The following PCDH15 variants were observed in gnomAD, a reference collection of about 807,000 sequenced individuals.
PCDH15 encodes the protein protocadherin-15.
In PCDH15, 129 loss-of-function variants were observed where a neutral mutation model predicts 178.5. That is an observed-to-expected ratio of 0.72 (90% CI 0.63 to 0.84). The LOEUF is 0.84. Among genes scored for constraint, PCDH15 ranks in the 40% least tolerant of loss-of-function variants. The pLI is 0.00. For missense variants in PCDH15, 2,230 were observed against 2,099.9 expected, an observed-to-expected ratio of 1.06 and a Z score of -1.21; for synonymous variants, 800 against 732.0, an observed-to-expected ratio of 1.09 and a Z score of -1.50.
At chr10:54,259,062 T>C (rs1468099468) in intron 8 of PCDH15, among the ~76,000 whole-genome samples, 2 of 152,266 alleles carry the variant, frequency 1.3e-5, no homozygotes, top group South Asian at 2.1e-4. Context: ...CTTGAGAAAT[T>C]ATGAAACTTC....
chr10:55,170,826 G>C (rs894332228), intron 1 of PCDH15, among the ~76,000 whole-genome samples: 3 of 152,048 alleles, frequency 2.0e-5, no homozygotes, highest in Admixed American at 1.3e-4. Context: ...AGGTTGCAGT[G>C]AGCCAAGATC....
At chr10:55,301,681 C>G (rs989300926) in intron 1 of PCDH15, among the ~76,000 whole-genome samples, 1 of 151,960 alleles carries the variant, frequency 6.6e-6, no homozygotes, top group Non-Finnish European at 1.5e-5. Context: ...GCTCTATTGC[C>G]TAAAGGATGT....
At chr10:55,404,726 T>C (rs1478610912) in intron 2 of PCDH15, among the ~76,000 whole-genome samples, 1 of 151,932 alleles carries the variant, frequency 6.6e-6, no homozygotes, top group African/African-American at 2.4e-5. Flanking sequence ...TTTGAATGTA[T>C]AAAAATATAG....
At chr10:54,028,991 A>C (rs1426951214) in intron 18 of PCDH15, among the ~76,000 whole-genome samples, 3 of 152,188 alleles carry the variant, frequency 2.0e-5, no homozygotes, top group African/African-American at 4.8e-5. Flanking sequence ...TAAAAATTTT[A>C]AGGTGACTGA....
intron 10 of PCDH15, among the ~76,000 whole-genome samples, chr10:54,209,637 T>C (rs1301826566): frequency 6.6e-6 from 1 of 152,140 alleles, no homozygotes; most frequent in Admixed American, 6.6e-5. Flanking sequence ...AATTAAATAA[T>C]ACTAGGAGTA....
intron 15 of PCDH15, among the ~76,000 whole-genome samples, chr10:54,098,120 GC>G (rs2094734086): frequency 6.6e-6 from 1 of 151,574 alleles, no homozygotes; most frequent in Non-Finnish European, 1.5e-5. Context: ...AACCCCACAT[GC>G]TTTTTACCTA....
intron 13 of PCDH15, among the ~76,000 whole-genome samples, chr10:54,168,747 C>T (rs2046536789): frequency 6.6e-6 from 1 of 152,100 alleles, no homozygotes; most frequent in Admixed American, 6.6e-5. Flanking sequence ...GCCCTAGACC[C>T]TAAAAGGTCA....
chr10:55,522,359 C>G (rs1357272369), intron 2 of PCDH15, among the ~76,000 whole-genome samples: 2 of 151,654 alleles, frequency 1.3e-5, no homozygotes, highest in Non-Finnish European at 1.5e-5. Context: ...TTCAAATATG[C>G]TATTTCCCTA....
At chr10:54,662,869 T>C (rs1048521892) in intron 2 of PCDH15, among the ~76,000 whole-genome samples, 31 of 152,054 alleles carry the variant, frequency 2.0e-4, no homozygotes, top group African/African-American at 7.5e-4. Flanking sequence ...TCACAACTCT[T>C]TTTCATTTCA....
At chr10:54,365,336 A>G (rs1311956619) in intron 5 of PCDH15, among the ~76,000 whole-genome samples, 3 of 152,126 alleles carry the variant, frequency 2.0e-5, no homozygotes, top group African/African-American at 7.2e-5. Flanking sequence ...TGCTCATAAT[A>G]TAGATATAGC....
chr10:54,641,603 C>T (rs1409323058), intron 2 of PCDH15, among the ~76,000 whole-genome samples: 2 of 150,788 alleles, frequency 1.3e-5, no homozygotes, highest in African/African-American at 5.0e-5. Flanking sequence ...CACACACACA[C>T]ACACTGCTGT....
At chr10:54,541,422 TA>T (rs1391686215) in intron 2 of PCDH15, among the ~76,000 whole-genome samples, 2 of 152,182 alleles carry the variant, frequency 1.3e-5, no homozygotes, top group African/African-American at 4.8e-5. Flanking sequence ...TACATAGTGA[TA>T]ATGGAACTAT....
intron 2 of PCDH15, among the ~76,000 whole-genome samples, chr10:54,972,674 C>A (rs1001403586): frequency 4.0e-5 from 6 of 151,200 alleles, no homozygotes; most frequent in Non-Finnish European, 5.9e-5. Flanking sequence ...ATGGTGAAAC[C>A]CTGTCTCCAC....
chr10:54,655,285 AGAGAGAGAGAGAGAG>A (rs2094364593), intron 2 of PCDH15, among the ~76,000 whole-genome samples: 1 of 128,296 alleles, frequency 7.8e-6, no homozygotes, highest in African/African-American at 2.8e-5. Flanking sequence ...AGAGAGAGAG[AGAGAGAGAGAGAGAG>A]AGACAGAGAG....
chr10:53,996,108 T>C (rs1415113624), intron 20 of PCDH15, among the ~76,000 whole-genome samples: 1 of 152,178 alleles, frequency 6.6e-6, no homozygotes, highest in African/African-American at 2.4e-5. Context: ...AACAAGTTTC[T>C]TTAAAAGCTA....
chr10:55,245,010 A>C (rs894555339), intron 1 of PCDH15, among the ~76,000 whole-genome samples: 3 of 151,992 alleles, frequency 2.0e-5, no homozygotes, highest in Non-Finnish European at 4.4e-5. Flanking sequence ...TTTTTTTTGA[A>C]CCATTGCTAT....
intron 1 of PCDH15, 30 bp from the exon 2 acceptor site, chr10:54,664,320 T>C: frequency 7.3e-7 from 1 of 1,367,144 alleles, no homozygotes; most frequent in Non-Finnish European, 1.0e-6. Context: ...AAAGAAACAT[T>C]TGACATGTTC....
intron 3 of PCDH15, among the ~76,000 whole-genome samples, chr10:54,488,783 C>T (rs112661958): frequency 1.3e-3 from 190 of 151,652 alleles, no homozygotes; most frequent in South Asian, 3.3e-3. Flanking sequence ...TTTTTGGAAA[C>T]GAGAATTTAA....
At chr10:55,376,324 G>A (rs974840952) in intron 2 of PCDH15, among the ~76,000 whole-genome samples, 2 of 151,946 alleles carry the variant, frequency 1.3e-5, no homozygotes, top group African/African-American at 4.8e-5. Context: ...TATGTTAAGC[G>A]GTACGACTAT....
Sources: gnomAD v4.1 joint callset for allele counts (sites outside exome capture counted in the v4.1 genomes callset) on GRCh38, gnomAD v4.1.1 for gene constraint, MANE v1.5 for transcripts, NCBI Gene and HGNC (gene_info 2026-07-23, HGNC 2026-07-21) for gene names.